VWC2L: variants seen among roughly 807,000 people sequenced by gnomAD.
VWC2L encodes von Willebrand factor C domain containing 2 like, also known as von Willebrand factor C domain-containing protein 2-like.
Under a neutral mutation model 21.6 loss-of-function variants are expected in VWC2L, and 10 were observed. The observed-to-expected ratio is 0.46, with a 90% CI of 0.29 to 0.78. The LOEUF is 0.78. Ranked by LOEUF, VWC2L falls within the 30% of genes least tolerant of loss-of-function variation. The pLI is 0.10. For missense variants in VWC2L, 209 were observed against 277.1 expected (o/e 0.75, Z 1.74); for synonymous variants, 96 against 94.3 (o/e 1.02, Z -0.10).
intron 3 of VWC2L, among the ~76,000 whole-genome samples, chr2:214,471,016 T>C (rs1703301006): frequency 1.3e-5 from 2 of 151,574 alleles, no homozygotes; most frequent in South Asian, 2.1e-4. Flanking sequence ...TGATCAAATG[T>C]ATATCCTGAT....
intron 3 of VWC2L, among the ~76,000 whole-genome samples, chr2:214,463,405 T>C (rs1192875936): frequency 6.6e-6 from 1 of 152,146 alleles, no homozygotes; most frequent in Non-Finnish European, 1.5e-5. Flanking sequence ...GATATTACTA[T>C]AGCCATTCCA....
intron 3 of VWC2L, among the ~76,000 whole-genome samples, chr2:214,479,912 T>G (rs555550087): frequency 6.6e-6 from 1 of 152,322 alleles, no homozygotes; most frequent in East Asian, 1.9e-4. Flanking sequence ...CATCCATGGA[T>G]TCAACCAATG....
chr2:214,541,551 G>A (rs1474272240), intron 3 of VWC2L, among the ~76,000 whole-genome samples: 3 of 152,184 alleles, frequency 2.0e-5, no homozygotes, highest in South Asian at 4.1e-4. Context: ...TTTGGGTAGT[G>A]CATGGATGAA....
At chr2:214,547,458 T>C (rs1463718898) in intron 3 of VWC2L, among the ~76,000 whole-genome samples, 4 of 152,226 alleles carry the variant, frequency 2.6e-5, no homozygotes, top group Non-Finnish European at 5.9e-5. Flanking sequence ...GTAGAAGATA[T>C]GTAAACACTT....
intron 3 of VWC2L, among the ~76,000 whole-genome samples, chr2:214,530,207 G>T (rs1197435966): frequency 6.6e-6 from 1 of 152,142 alleles, no homozygotes; most frequent in Non-Finnish European, 1.5e-5. Flanking sequence ...CTCCTTCACA[G>T]CTCACCTTTC....
chr2:214,489,346 T>C (rs745621753), intron 3 of VWC2L, among the ~76,000 whole-genome samples: 17 of 152,150 alleles, frequency 1.1e-4, no homozygotes, highest in Non-Finnish European at 2.1e-4. Flanking sequence ...TTTTTAAAAG[T>C]CTATAGCAGA....
intron 3 of VWC2L, among the ~76,000 whole-genome samples, chr2:214,504,799 T>C (rs894332912): frequency 6.6e-6 from 1 of 152,158 alleles, no homozygotes; most frequent in Non-Finnish European, 1.5e-5. Flanking sequence ...CCTGGAGATG[T>C]GATTCCCATT....
At chr2:214,524,601 G>A (rs182703691) in intron 3 of VWC2L, among the ~76,000 whole-genome samples, 3,645 of 152,036 alleles carry the variant, frequency 0.024, 78 homozygotes, top group Non-Finnish European at 0.034. Flanking sequence ...CATGTGCCAG[G>A]CGCTGTTTTA....
At chr2:214,419,165 T>C (rs546053422) in intron 2 of VWC2L, among the ~76,000 whole-genome samples, 2 of 152,316 alleles carry the variant, frequency 1.3e-5, no homozygotes, top group African/African-American at 2.4e-5. Context: ...TCTATTCTTT[T>C]TGAAAACTCT....
chr2:214,485,388 G>A (rs1688661341), intron 3 of VWC2L, among the ~76,000 whole-genome samples: 1 of 152,128 alleles, frequency 6.6e-6, no homozygotes, highest in African/African-American at 2.4e-5. Context: ...AGACAAGCCT[G>A]ATATCTAGGC....
rs1690239980 is a variant in VWC2L at position 214,576,994 on chromosome 2, T to C, written c.*1174T>C. 1 of 152,168 alleles carries C rather than the reference T, an allele frequency of 6.6e-6. No individual in the cohort carries two copies. The highest frequency in any genetic ancestry group is 2.4e-5 in the African/African-American group (1 of 41,460). The allele number at this position is 152,168 out of a possible 1,614,324, so 9.4% of individuals were successfully genotyped here. A position where few individuals can be genotyped will look rare whatever the true frequency, so the allele number is the denominator to read the frequency against. ...ATGTATATATTAGATACTGAAAAAT[T>C]AAAGTGAACCTTTGAAGAGTCTCTA... On this transcript the variant is annotated 3_prime_UTR_variant, in exon 4 of 4. Coordinates refer to ENST00000312504, the MANE Select transcript of VWC2L (RefSeq NM_001080500.4).
chr2:214,469,576 C>A (rs144979808), intron 3 of VWC2L, among the ~76,000 whole-genome samples: 2 of 150,588 alleles, frequency 1.3e-5, no homozygotes, highest in African/African-American at 4.9e-5. Context: ...GCCTGGGCGA[C>A]AGAGGGAGAC....
intron 3 of VWC2L, among the ~76,000 whole-genome samples, chr2:214,540,143 A>C (rs1689604332): frequency 6.6e-6 from 1 of 152,190 alleles, no homozygotes; most frequent in Non-Finnish European, 1.5e-5. Flanking sequence ...ACATCTGCTA[A>C]GTTCTCAGTC....
intron 3 of VWC2L, among the ~76,000 whole-genome samples, chr2:214,557,065 T>C (rs1370126136): frequency 1.3e-5 from 2 of 152,132 alleles, no homozygotes; most frequent in Admixed American, 1.3e-4. Context: ...GTAAGTGACA[T>C]GCCTGAGGTC....
intron 3 of VWC2L, among the ~76,000 whole-genome samples, chr2:214,496,382 C>G (rs1299251666): frequency 6.6e-6 from 1 of 152,116 alleles, no homozygotes; most frequent in Non-Finnish European, 1.5e-5. Flanking sequence ...TGGTTTTAAA[C>G]TCACAATAAT....
intron 3 of VWC2L, among the ~76,000 whole-genome samples, chr2:214,539,797 G>A (rs1559324155): frequency 1.3e-5 from 2 of 152,156 alleles, no homozygotes; most frequent in East Asian, 3.9e-4. Flanking sequence ...AAGCATCACT[G>A]ATACTGGAAA....
At chr2:214,528,853 T>A (rs1232986926) in intron 3 of VWC2L, among the ~76,000 whole-genome samples, 1 of 152,228 alleles carries the variant, frequency 6.6e-6, no homozygotes, top group Non-Finnish European at 1.5e-5. Flanking sequence ...TAATCTCTTA[T>A]TAACTTTTCT....
Position 214,533,661 on chromosome 2 carries a change from G to A in VWC2L, c.521-42011G>A, listed in dbSNP as rs565776969. Among the ~76,000 whole-genome samples, 4 of 152,116 alleles carry A rather than the reference G, an allele frequency of 2.6e-5. No homozygotes were observed. In the South Asian group the frequency reaches 8.3e-4, roughly 32 times the overall value. On this transcript the variant is annotated intron_variant, in intron 3 of 3. Coordinates refer to ENST00000312504, the MANE Select transcript of VWC2L (RefSeq NM_001080500.4). Reference sequence around the variant, plus strand: ...TCCTATTCATATAAATGCAAATTCAGCCCAAGAGTAAAACCACATGGAATT... The same window carrying A: ...TCCTATTCATATAAATGCAAATTCAACCCAAGAGTAAAACCACATGGAATT...
intron 3 of VWC2L, among the ~76,000 whole-genome samples, chr2:214,561,387 T>C (rs1414368601): frequency 6.6e-6 from 1 of 152,216 alleles, no homozygotes; most frequent in East Asian, 1.9e-4. Context: ...GCTGGTGCTA[T>C]GTAGTAGAAA....
Sources: allele counts gnomAD v4.1 joint callset (sites outside exome capture counted in the v4.1 genomes callset), GRCh38; gene constraint gnomAD v4.1.1; transcripts MANE v1.5; gene names NCBI Gene and HGNC (gene_info 2026-07-23, HGNC 2026-07-21).